WDFY3: variants seen among roughly 807,000 people sequenced by gnomAD.
WDFY3 encodes WD repeat and FYVE domain-containing protein 3.
Under a neutral mutation model 409.6 loss-of-function variants are expected in WDFY3, and 66 were observed. The observed-to-expected ratio is 0.16, with a 90% CI of 0.13 to 0.20. The LOEUF (loss-of-function observed/expected upper bound fraction) is 0.20. Among genes scored for constraint, WDFY3 ranks in the 10% least tolerant of loss-of-function variants. WDFY3 has a pLI of 1.00. For synonymous variants in WDFY3, 1,521 were observed against 1,537.1 expected (o/e 0.99, Z 0.25); for missense variants, 3,031 against 4,298.1 (o/e 0.71, Z 8.24).
chr4:84,908,462 C>T (rs1410670594), intron 2 of WDFY3, among the ~76,000 whole-genome samples: 2 of 151,934 alleles, frequency 1.3e-5, no homozygotes, highest in Admixed American at 1.3e-4. Context: ...CATGGCAAAC[C>T]CTCTAAACTC....
At position 84,724,591 on chromosome 4, in the gene WDFY3, G is replaced by A; in HGVS notation, c.7276C>T (p.Pro2426Ser). The A allele has an allele frequency of 1.2e-6, 2 of 1,603,252 alleles. No homozygotes were observed. The highest frequency in any genetic ancestry group is 1.7e-6 in the Non-Finnish European group (2 of 1,176,544). ...CTTACGGCTCTTCTATATCGAGCAG[G>A]TTTCTAAGAAATGACAAAAGAAAAT... ...ETPDDIPQKKPARYRRAVSYD... is the reference protein window; with the variant it reads ...ETPDDIPQKKSARYRRAVSYD... Residue 2426 changes from proline (P) to serine (S), a missense_variant, in exon 46 of 68, where the codon CCT becomes TCT. Physicochemically the swap from Pro to Ser is moderately conservative, Grantham distance 74. This residue lies in a region of WDFY3 where 127 missense variants were observed against 144.4 expected (regional missense o/e 0.88). Coordinates refer to ENST00000295888, the MANE Select transcript of WDFY3 (RefSeq NM_014991.6).
Position 84,697,758 on chromosome 4 carries a change from T to C in WDFY3, c.8597-935A>G, listed in dbSNP as rs577940016. ...CAACAATGTTGACTCACTAGTTTAA[T>C]AGCAGTTGGTTAGATAAATACTTGT... On this transcript the variant is annotated intron_variant, in intron 56 of 67. Coordinates refer to ENST00000295888, the MANE Select transcript of WDFY3 (RefSeq NM_014991.6). Among the ~76,000 whole-genome samples the C allele has an allele frequency of 2.0e-4, 30 of 152,354 alleles. 1 individual carries two copies. In the East Asian group the frequency reaches 4.4e-3, roughly 23 times the overall value.
intron 21 of WDFY3, among the ~76,000 whole-genome samples, chr4:84,792,353 A>C (rs1359573514): frequency 6.6e-6 from 1 of 152,220 alleles, no homozygotes; most frequent in South Asian, 2.1e-4. Flanking sequence ...ATGGAGGTGA[A>C]AGTAAATATG....
rs1262764094 is a variant in WDFY3, at chr4:84,873,824, C to A, written c.-31-13202G>T. Among the ~76,000 whole-genome samples the A allele has an allele frequency of 6.6e-5, 10 of 151,502 alleles. No homozygotes were observed. The East Asian group carries it at 2.0e-3, about 30-fold the overall frequency. On this transcript the variant is annotated intron_variant, in intron 3 of 67. Coordinates refer to ENST00000295888, the MANE Select transcript of WDFY3 (RefSeq NM_014991.6). ...TTGAGACAGGGTCTCAATCTGTAAC[C>A]CATGCTGGAGTGCAGCGGTATGATC...
intron 5 of WDFY3, among the ~76,000 whole-genome samples, chr4:84,847,790 C>CAAAAAAAAAAAAAAAAAAAAAAAA (rs78361102): frequency 1.2e-5 from 1 of 82,882 alleles, no homozygotes; most frequent in Non-Finnish European, 2.6e-5. Context: ...AAAAAAAAAC[C>CAAAAAAAAAAAAAAAAAAAAAAAA]AAAAAAAAAA....
At chr4:84,914,088 G>A (rs1395976173) in intron 2 of WDFY3, among the ~76,000 whole-genome samples, 3 of 152,150 alleles carry the variant, frequency 2.0e-5, no homozygotes, top group Admixed American at 1.3e-4. Flanking sequence ...TACAAAATAC[G>A]TGTTAATCAA....
intron 8 of WDFY3, among the ~76,000 whole-genome samples, chr4:84,830,469 G>A (rs766706710): frequency 1.3e-5 from 2 of 152,126 alleles, no homozygotes; most frequent in Non-Finnish European, 2.9e-5. Flanking sequence ...ATGATGTTCG[G>A]TAGGTTAAGT....
intron 10 of WDFY3, among the ~76,000 whole-genome samples, chr4:84,824,778 C>T (rs1754610031): frequency 1.3e-5 from 2 of 152,248 alleles, no homozygotes; most frequent in South Asian, 4.1e-4. Flanking sequence ...ATGTAAAAGA[C>T]AACCTATTCC....
In WDFY3 at chr4:84,829,342, AAG is replaced by A. The variant is rs2149901156; in HGVS notation, c.770-154_770-153del. The A allele has an allele frequency of 6.2e-6, 4 of 640,090 alleles. No homozygotes were observed. In the East Asian group the frequency reaches 1.2e-4, roughly 19 times the overall value. 39.7% of individuals were successfully genotyped at this position (640,090 alleles called of 1,614,324 possible). A position where few individuals can be genotyped will look rare whatever the true frequency, so the allele number is the denominator to read the frequency against. Reference sequence around the variant, plus strand: ...TGTAACACATTCTAAAAGTCAATATAAGAGTCATATGCATTGGGAAAGCACTG... The same window carrying A: ...TGTAACACATTCTAAAAGTCAATATAAGTCATATGCATTGGGAAAGCACTG... On this transcript the variant is annotated intron_variant, in intron 8 of 67. Coordinates refer to ENST00000295888, the MANE Select transcript of WDFY3 (RefSeq NM_014991.6).
At chr4:84,932,569 C>T (rs184696055) in intron 1 of WDFY3, among the ~76,000 whole-genome samples, 67 of 152,202 alleles carry the variant, frequency 4.4e-4, no homozygotes, top group Admixed American at 8.5e-4. Context: ...TCTCTACAGA[C>T]CATCTGATTT....
In WDFY3 at chr4:84,724,647, C is replaced by T. The variant is rs552932372; in HGVS notation, c.7273-53G>A. ...CGATAACTATCACCAAGAATTAAAA[C>T]GTAATATTCTTGAGGGAAGGTATGG... On this transcript the variant is annotated intron_variant, in intron 45 of 67. Coordinates refer to ENST00000295888, the MANE Select transcript of WDFY3 (RefSeq NM_014991.6). The T allele has an allele frequency of 8.8e-5, 139 of 1,573,940 alleles. 2 individuals are homozygous for T. The Middle Eastern group carries it at 1.9e-3, about 22-fold the overall frequency.
At chr4:84,691,814 C>T in intron 59 of WDFY3, 29 bp from the exon 60 acceptor site, 2 of 1,564,736 alleles carry the variant, frequency 1.3e-6, no homozygotes, top group Non-Finnish European at 1.7e-6. Context: ...GGTATTAGGA[C>T]AGGAACAGGA....
chr4:84,685,491 G>C (rs1192755194), intron 62 of WDFY3, among the ~76,000 whole-genome samples: 1 of 152,212 alleles, frequency 6.6e-6, no homozygotes, highest in Admixed American at 6.5e-5. Context: ...CTGACTATAA[G>C]TGTCAGCAAT....
At chr4:84,755,034 G>C (rs139611192) in intron 34 of WDFY3, among the ~76,000 whole-genome samples, 1 of 152,268 alleles carries the variant, frequency 6.6e-6, no homozygotes, top group African/African-American at 2.4e-5. Context: ...ATAATAGATT[G>C]GAAGTACCAG....
At chr4:84,939,010 A>T (rs1444760289) in intron 1 of WDFY3, among the ~76,000 whole-genome samples, 1 of 152,090 alleles carries the variant, frequency 6.6e-6, no homozygotes, top group Non-Finnish European at 1.5e-5. Flanking sequence ...CTAATTTTTC[A>T]ATTGATCCAA....
intron 38 of WDFY3, 121 bp from the exon 39 acceptor site, chr4:84,740,537 G>A: frequency 3.3e-6 from 3 of 902,068 alleles, no homozygotes; most frequent in Admixed American, 4.7e-5. Context: ...GTATGCAGGT[G>A]CTAAGTTAAA....
rs76686704 is a variant in WDFY3, at chr4:84,861,668, G to C, written c.-31-1046C>G. ...ATAAGAAAAGAATAACTTGTTTCAT[G>C]AAGCTTATTTCAGATAAAGGTGTAT... is the stretch of plus-strand genomic sequence containing the variant. On this transcript the variant is annotated intron_variant, in intron 3 of 67. Transcript: ENST00000295888. 4.2e-3 allele frequency among the ~76,000 whole-genome samples: 645 copies of C among 152,250 alleles called. 2 individuals carry two copies. The highest frequency in any genetic ancestry group is 0.014 in the African/African-American group (562 of 41,550).
chr4:84,794,463 A>G, intron 21 of WDFY3, 56 bp downstream of exon 21: 1 of 1,480,556 alleles, frequency 6.8e-7, no homozygotes, highest in South Asian at 1.2e-5. Context: ...ATAAATACAA[A>G]AATGAAGTTT....
At chr4:84,805,701 T>C (rs973577335) in intron 15 of WDFY3, among the ~76,000 whole-genome samples, 2 of 152,238 alleles carry the variant, frequency 1.3e-5, no homozygotes, top group Non-Finnish European at 2.9e-5. Flanking sequence ...ATTTAAATTC[T>C]GAATCTGCTT....
Sources: gnomAD v4.1 joint callset for allele counts (sites outside exome capture counted in the v4.1 genomes callset) on GRCh38, gnomAD v4.1.1 for gene constraint, gnomAD v4.1.1 regional missense constraint, MANE v1.5 for transcripts, NCBI Gene and HGNC (gene_info 2026-07-23, HGNC 2026-07-21) for gene names.